The following AP2M1 variants were observed in gnomAD, a reference collection of about 807,000 sequenced individuals.
AP2M1 encodes AP-2 complex subunit mu.
In AP2M1, 5 loss-of-function variants were observed where a neutral mutation model predicts 54.5. The observed-to-expected ratio is 0.09, with a 90% CI of 0.05 to 0.19. AP2M1 has a LOEUF of 0.19. Ranked by LOEUF, AP2M1 falls within the 10% of genes least tolerant of loss-of-function variation. AP2M1 has a pLI of 1.00. For synonymous variants in AP2M1, 186 were observed against 208.2 expected (o/e 0.89, Z 0.92); for missense variants, 178 against 580.2 (o/e 0.31, Z 7.12).
chr3:184,176,110 A>G (rs1046147218), intron 1 of AP2M1, among the ~76,000 whole-genome samples: 9 of 152,186 alleles, frequency 5.9e-5, no homozygotes, highest in Non-Finnish European at 1.2e-4. Context: ...CAGGCCAGAA[A>G]TGAGTTACTT....
rs895553376 is a variant in AP2M1, at chr3:184,178,348, C to T, written c.75-509C>T. On this transcript the variant is annotated intron_variant, in intron 2 of 11. Coordinates refer to ENST00000292807, the MANE Select transcript of AP2M1 (RefSeq NM_004068.4). This position sits in a 1 kb window ranked among gnomAD's most constrained non-coding sequence, Gnocchi z 4.9. ...TTGGATCCTGGGCAAGAATGGGTAG[C>T]ACAATTCCATGGCCCCTTGGTACTT... 3 of 1,251,040 alleles carry T rather than the reference C, an allele frequency of 2.4e-6. No individual in the cohort carries two copies. Among genetic ancestry groups the T allele is most frequent in the Non-Finnish European group, 2.3e-6 (2 of 886,998 alleles). 77.5% of individuals were successfully genotyped at this position (1,251,040 alleles called of 1,614,324 possible).
chr3:184,176,445 C>T (rs1715075749), intron 1 of AP2M1, among the ~76,000 whole-genome samples: 1 of 152,160 alleles, frequency 6.6e-6, no homozygotes, highest in Admixed American at 6.5e-5. Flanking sequence ...AATTAGAGTG[C>T]CGGAAGTTCA....
chr3:184,179,667 T>C (rs899899646), intron 3 of AP2M1, among the ~76,000 whole-genome samples: 1 of 150,864 alleles, frequency 6.6e-6, no homozygotes, highest in Non-Finnish European at 1.5e-5. Context: ...CTTTTCTTTT[T>C]TTTTTTTTTT....
chr3:184,176,069 C>T (rs1324517494), intron 1 of AP2M1, among the ~76,000 whole-genome samples: 1 of 152,194 alleles, frequency 6.6e-6, no homozygotes, highest in Non-Finnish European at 1.5e-5. Context: ...TTCAGGCATC[C>T]TGACATCCCT....
Position 184,183,327 on chromosome 3 carries a change from C to G in AP2M1, c.1174-155C>G. 8.9e-7 allele frequency: 1 copy of G among 1,117,482 alleles called. No homozygotes were observed. Among genetic ancestry groups the G allele is most frequent in the Admixed American group, 2.3e-5 (1 of 42,930 alleles). The allele number at this position is 1,117,482 out of a possible 1,614,324, so 69.2% of individuals were successfully genotyped here. Reference sequence around the variant, plus strand: ...CAGGTAGGGCTTTCTTCTTTAGTCACCTCTTAGAAGGTCCCACGCCGCCCC... The same window carrying G: ...CAGGTAGGGCTTTCTTCTTTAGTCAGCTCTTAGAAGGTCCCACGCCGCCCC... On this transcript the variant is annotated intron_variant, in intron 11 of 11. Coordinates refer to ENST00000292807, the MANE Select transcript of AP2M1 (RefSeq NM_004068.4). The surrounding 1 kb of genome is among the most constrained non-coding windows in gnomAD (Gnocchi z 5.7).
In AP2M1 at chr3:184,178,969, A is replaced by G. The variant is rs1179952536; in HGVS notation, c.187A>G (p.Ile63Val). The G allele has an allele frequency of 2.5e-6, 4 of 1,614,058 alleles. No homozygotes were observed. Among genetic ancestry groups the G allele is most frequent in the African/African-American group, 1.3e-5 (1 of 74,920 alleles). ...TSFFHVKRSN[I>V]WLAAVTKQNV... ...CTTCTTCCACGTTAAGCGGTCCAAC[A>G]TTTGGCTGGCAGCAGTCACCAAGCA... The change falls in exon 3 of 12, where the codon ATT (isoleucine) becomes GTT (valine). Residue 63 changes from isoleucine (I) to valine (V), a missense_variant. Physicochemically the swap from Ile to Val is conservative, Grantham distance 29. This residue lies in a region of AP2M1 where 115 missense variants were observed against 331.2 expected (regional missense o/e 0.35). Transcript: ENST00000292807. The surrounding 1 kb of genome is among the most constrained non-coding windows in gnomAD (Gnocchi z 4.9).
chr3:184,182,435 C>T lies in AP2M1; in HGVS notation c.1061+187C>T. On this transcript the variant is annotated intron_variant, in intron 10 of 11. Transcript: ENST00000292807. This position sits in a 1 kb window ranked among gnomAD's most constrained non-coding sequence, Gnocchi z 5.5. ...GTACACGCCTGCATTTGGGTTCATGCACGTGCTTATTTTTTAAGATGCTTT... is the reference window on the plus strand; with the variant it reads ...GTACACGCCTGCATTTGGGTTCATGTACGTGCTTATTTTTTAAGATGCTTT... 1 of 633,922 alleles carries T rather than the reference C, an allele frequency of 1.6e-6. No homozygotes were observed. 39.3% of individuals were successfully genotyped at this position (633,922 alleles called of 1,614,324 possible).
rs527670858 is a variant in AP2M1, at chr3:184,179,137, C to T, written c.340+15C>T. 1 of 1,609,452 alleles carries T rather than the reference C, an allele frequency of 6.2e-7. No homozygotes were observed. The highest frequency in any genetic ancestry group is 1.1e-5 in the South Asian group (1 of 90,944). ...GCTGCTGGATGGTGAGGCTGGCGGG[C>T]TGGCACGGCAGCGGGCGTAGGGTGG... On this transcript the variant is annotated intron_variant, in intron 3 of 11. Coordinates refer to ENST00000292807, the MANE Select transcript of AP2M1 (RefSeq NM_004068.4).
In AP2M1 at chr3:184,180,892, A is replaced by T; in HGVS notation, c.473A>T (p.Gln158Leu). ...QSQITSQVTG[Q>L]IGWRREGIKY... Reference sequence around the variant, plus strand: ...CAGATCACCAGCCAGGTAACTGGGCAGATTGGCTGGCGGCGAGAGGGTATC... The same window carrying T: ...CAGATCACCAGCCAGGTAACTGGGCTGATTGGCTGGCGGCGAGAGGGTATC... The change falls in exon 6 of 12, where the codon CAG becomes CTG. Residue 158 changes from glutamine to leucine, a missense_variant. Gln to Leu is a moderately radical substitution (Grantham distance 113). Transcript: ENST00000292807. This position sits in a 1 kb window ranked among gnomAD's most constrained non-coding sequence, Gnocchi z 4.9. 6.2e-7 allele frequency: 1 copy of T among 1,614,258 alleles called. No homozygotes were observed. The highest frequency in any genetic ancestry group is 8.5e-7 in the Non-Finnish European group (1 of 1,180,044).
In AP2M1 at chr3:184,183,919, G is replaced by GT. The variant is rs1715356146; in HGVS notation, c.*304dup. The GT allele has an allele frequency of 3.0e-6, 1 of 335,608 alleles. No homozygotes were observed. Among genetic ancestry groups the GT allele is most frequent in the African/African-American group, 2.1e-5 (1 of 48,098 alleles). The allele number at this position is 335,608 out of a possible 1,614,324, so 20.8% of individuals were successfully genotyped here. A position where few individuals can be genotyped will look rare whatever the true frequency, so the allele number is the denominator to read the frequency against. ...TGGGTTCCCTTTCCTTCCCACCCCTGTGGCCACAGCTCTGGAGTGGGAGGG... is the reference window on the plus strand; with the variant it reads ...TGGGTTCCCTTTCCTTCCCACCCCTGTTGGCCACAGCTCTGGAGTGGGAGGG... On this transcript the variant is annotated 3_prime_UTR_variant, in exon 12 of 12. Coordinates refer to ENST00000292807, the MANE Select transcript of AP2M1 (RefSeq NM_004068.4). The surrounding 1 kb of genome is among the most constrained non-coding windows in gnomAD (Gnocchi z 5.7).
In AP2M1 at chr3:184,183,640, C is replaced by T. The variant is rs1428762147; in HGVS notation, c.*24C>T. On this transcript the variant is annotated 3_prime_UTR_variant, in exon 12 of 12. Coordinates refer to ENST00000292807, the MANE Select transcript of AP2M1 (RefSeq NM_004068.4). This position sits in a 1 kb window ranked among gnomAD's most constrained non-coding sequence, Gnocchi z 5.7. Reference sequence around the variant, plus strand: ...AGCTGCCACTAGGCAGCTAGCCCACCTCCCCAGCCACCCTCCTCCACAGGT... The same window carrying T: ...AGCTGCCACTAGGCAGCTAGCCCACTTCCCCAGCCACCCTCCTCCACAGGT... 2 of 1,610,464 alleles carry T rather than the reference C, an allele frequency of 1.2e-6. No homozygotes were observed. Among genetic ancestry groups the T allele is most frequent in the Non-Finnish European group, 8.5e-7 (1 of 1,179,126 alleles).
Position 184,181,589 on chromosome 3 carries a change from T to C in AP2M1, c.708-107T>C. The C allele has an allele frequency of 6.9e-7, 1 of 1,446,796 alleles. No homozygotes were observed. The highest frequency in any genetic ancestry group is 2.3e-5 in the East Asian group (1 of 43,768). The allele number at this position is 1,446,796 out of a possible 1,614,324, so 89.6% of individuals were successfully genotyped here. A position where few individuals can be genotyped will look rare whatever the true frequency, so the allele number is the denominator to read the frequency against. On this transcript the variant is annotated intron_variant, in intron 7 of 11. Transcript: ENST00000292807. This position sits in a 1 kb window ranked among gnomAD's most constrained non-coding sequence, Gnocchi z 5.7. ...ACCTCCGAGTCACAAAGCTGCATTC[T>C]AGCAGCTTTTCATAGTCTCTGGTGC... is the stretch of plus-strand genomic sequence containing the variant.
chr3:184,177,960 T>C (rs1715131698), intron 2 of AP2M1: 2 of 615,720 alleles, frequency 3.2e-6, no homozygotes, highest in East Asian at 5.5e-5. Context: ...TGGCATGAGC[T>C]AGAGCTGCAG....
In AP2M1 at chr3:184,180,590, T is replaced by A; in HGVS notation, c.424-55T>A. On this transcript the variant is annotated intron_variant, in intron 4 of 11. Transcript: ENST00000292807. The surrounding 1 kb of genome is among the most constrained non-coding windows in gnomAD (Gnocchi z 4.9). ...CCAAGCCTCATAGCTTTCTCCTCCT[T>A]TTCTGCCTCCCTTGCTGCTTCATGT... 6.2e-7 allele frequency: 1 copy of A among 1,612,682 alleles called. No individual in the cohort carries two copies. The highest frequency in any genetic ancestry group is 8.5e-7 in the Non-Finnish European group (1 of 1,179,956).
At chr3:184,179,283 C>T in intron 3 of AP2M1, 161 bp downstream of exon 3, 1 of 869,918 alleles carries the variant, frequency 1.1e-6, no homozygotes, top group Admixed American at 2.8e-5. Flanking sequence ...CCTCAGAAGG[C>T]CAGTTCACAT....
At position 184,180,441 on chromosome 3, in the gene AP2M1, C is replaced by A; in HGVS notation, c.423+190C>A. On this transcript the variant is annotated intron_variant, in intron 4 of 11. Coordinates refer to ENST00000292807, the MANE Select transcript of AP2M1 (RefSeq NM_004068.4). This position sits in a 1 kb window ranked among gnomAD's most constrained non-coding sequence, Gnocchi z 4.9. ...CCCACTGCAGGAGCAGCCAATTCAGCATCTCTATTACCAGGAATACAGCTC... is the reference window on the plus strand; with the variant it reads ...CCCACTGCAGGAGCAGCCAATTCAGAATCTCTATTACCAGGAATACAGCTC... The A allele has an allele frequency of 1.9e-6, 2 of 1,031,270 alleles. No homozygotes were observed. Among genetic ancestry groups the A allele is most frequent in the Non-Finnish European group, 2.8e-6 (2 of 704,538 alleles). The allele number at this position is 1,031,270 out of a possible 1,614,324, so 63.9% of individuals were successfully genotyped here.
rs1171336358 is a variant in AP2M1, at chr3:184,183,724, C to G, written c.*108C>G. The G allele has an allele frequency of 1.2e-5, 16 of 1,325,826 alleles. No individual in the cohort carries two copies. Among genetic ancestry groups the G allele is most frequent in the African/African-American group, 2.9e-5 (2 of 68,256 alleles). The allele number at this position is 1,325,826 out of a possible 1,614,324, so 82.1% of individuals were successfully genotyped here. On this transcript the variant is annotated 3_prime_UTR_variant, in exon 12 of 12. Transcript: ENST00000292807. This position sits in a 1 kb window ranked among gnomAD's most constrained non-coding sequence, Gnocchi z 5.7. ...TGTCTCCTCCCTCCTGCTTTGCTGC[C>G]TTCCCTTTGCACCAGCCCGAGTCTA... is the stretch of plus-strand genomic sequence containing the variant.
intron 3 of AP2M1, chr3:184,179,964 AT>A (rs1715217418): frequency 2.1e-5 from 13 of 607,110 alleles, no homozygotes. Flanking sequence ...CCTGGCCTTG[AT>A]TTCTCTATTT....
At chr3:184,175,945 C>T (rs1459812902) in intron 1 of AP2M1, among the ~76,000 whole-genome samples, 1 of 152,198 alleles carries the variant, frequency 6.6e-6, no homozygotes, top group African/African-American at 2.4e-5. Flanking sequence ...TTAGAAAAGT[C>T]CTCTAAAGTA....
Sources: allele counts gnomAD v4.1 joint callset (sites outside exome capture counted in the v4.1 genomes callset), GRCh38; gene constraint gnomAD v4.1.1; regional missense constraint gnomAD v4.1.1; non-coding constraint Gnocchi (gnomAD v3.1); transcripts MANE v1.5; gene names NCBI Gene and HGNC (gene_info 2026-07-23, HGNC 2026-07-21).